The following SEMA4D variants were observed in gnomAD, a reference collection of about 807,000 sequenced individuals.
SEMA4D encodes semaphorin 4D, also known as semaphorin-4D.
In SEMA4D, 22 loss-of-function variants were observed where a neutral mutation model predicts 74.8. The observed-to-expected ratio is 0.29, with a 90% CI of 0.21 to 0.42. SEMA4D has a LOEUF of 0.42. Ranked by LOEUF, SEMA4D falls within the 10% of genes least tolerant of loss-of-function variation. SEMA4D has a pLI of 1.00. For missense variants in SEMA4D, 937 were observed against 1,118.4 expected (o/e 0.84, Z 2.31); for synonymous variants, 445 against 463.7 (o/e 0.96, Z 0.52).
chr9:89,435,861 C>T (rs776007552), intron 2 of SEMA4D, among the ~76,000 whole-genome samples: 2 of 152,300 alleles, frequency 1.3e-5, no homozygotes, highest in East Asian at 3.9e-4. Context: ...ATAAATGAAA[C>T]TTAAATAAAG....
chr9:89,373,239 T>C (rs935312714), downstream of SEMA4D, among the ~76,000 whole-genome samples: 1 of 152,186 alleles, frequency 6.6e-6, no homozygotes, highest in Non-Finnish European at 1.5e-5. Context: ...TGGCAGCCTC[T>C]GCACACACCA....
chr9:89,401,570 C>T (rs968380610), intron 4 of SEMA4D, among the ~76,000 whole-genome samples: 14 of 152,116 alleles, frequency 9.2e-5, no homozygotes, highest in African/African-American at 4.8e-5. Flanking sequence ...ACCATGGATG[C>T]GACGATTTGA....
chr9:89,376,623 A>T, downstream of SEMA4D: 1 of 660,242 alleles, frequency 1.5e-6, no homozygotes, highest in Non-Finnish European at 2.5e-6. Flanking sequence ...TGACCCCTGT[A>T]CACTAGAAGT....
chr9:89,451,163 T>TC (rs1854406308), intron 2 of SEMA4D, among the ~76,000 whole-genome samples: 1 of 152,188 alleles, frequency 6.6e-6, no homozygotes, highest in Non-Finnish European at 1.5e-5. Flanking sequence ...TTAGCATTTT[T>TC]CCATCTATTT....
rs372308388 is a variant in SEMA4D at position 89,427,385 on chromosome 9, G to C, written c.-243-21686C>G. Among the ~76,000 whole-genome samples the C allele has an allele frequency of 5.3e-5, 8 of 152,174 alleles. No individual in the cohort carries two copies. In the East Asian group the frequency reaches 1.3e-3, roughly 26 times the overall value. On this transcript the variant is annotated intron_variant, in intron 2 of 15. Transcript: ENST00000422704. The stretch of plus-strand genomic sequence containing the variant: ...TAAGGAGGCGGTGTGACCCTGGTGA[G>C]ATGCCTGTATCAGAAAACCACAGCC...
intron 2 of SEMA4D, among the ~76,000 whole-genome samples, chr9:89,442,651 A>G (rs1055422295): frequency 2.6e-5 from 4 of 152,174 alleles, no homozygotes; most frequent in Admixed American, 2.6e-4. Flanking sequence ...ACAGGCCCCA[A>G]CAGCTAGCAA....
intron 1 of SEMA4D, among the ~76,000 whole-genome samples, chr9:89,458,420 C>A (rs999233700): frequency 6.6e-6 from 1 of 152,114 alleles, no homozygotes; most frequent in Non-Finnish European, 1.5e-5. Flanking sequence ...ATACATCCTA[C>A]GGAAGGCCAA....
At chr9:89,450,660 G>GGGAAAAAAAAA (rs1491451024) in intron 2 of SEMA4D, 3 of 430,444 alleles carry the variant, frequency 7.0e-6, no homozygotes, top group South Asian at 2.4e-5. Flanking sequence ...AAAAACCCAG[G>GGGAAAAAAAAA]AAAAAAAAAA....
intron 4 of SEMA4D, among the ~76,000 whole-genome samples, chr9:89,400,377 A>G (rs1050498569): frequency 4.6e-5 from 7 of 152,250 alleles, no homozygotes; most frequent in African/African-American, 1.7e-4. Context: ...GTGATGTTCC[A>G]TAACTGATGC....
At chr9:89,406,418 G>A (rs537563633) in intron 2 of SEMA4D, among the ~76,000 whole-genome samples, 3 of 152,356 alleles carry the variant, frequency 2.0e-5, no homozygotes, top group Non-Finnish European at 4.4e-5. Context: ...CAGGCTTAAT[G>A]CTGCTTAGTG....
At position 89,379,061 on chromosome 9, in the gene SEMA4D, A is replaced by AAAGAAG; in HGVS notation, c.2226_2231dup (p.Phe743_Phe744dup). ...AGAAAAAGAGGCAGAGGAAGAGAAC[A>AAAGAAG]AAGAAGAAGAGGAAGAGGGACATGA... On this transcript the variant is annotated inframe_insertion, in exon 16 of 16. Transcript: ENST00000422704. 2 of 1,613,444 alleles carry AAAGAAG rather than the reference A, an allele frequency of 1.2e-6. No individual in the cohort carries two copies. Among genetic ancestry groups the AAAGAAG allele is most frequent in the Non-Finnish European group, 8.5e-7 (1 of 1,179,614 alleles).
intron 1 of SEMA4D, among the ~76,000 whole-genome samples, 157 bp from the exon 2 acceptor site, chr9:89,456,110 C>T (rs1855867915): frequency 6.6e-6 from 1 of 152,252 alleles, no homozygotes; most frequent in Admixed American, 6.5e-5. Context: ...TTACAGGATA[C>T]AGCTTACCTG....
At chr9:89,437,969 C>T (rs555438334) in intron 2 of SEMA4D, among the ~76,000 whole-genome samples, 15 of 152,364 alleles carry the variant, frequency 9.8e-5, no homozygotes, top group Admixed American at 1.3e-4. Flanking sequence ...CCAGGCTCTG[C>T]GCCCTTCTCG....
At chr9:89,456,525 G>A (rs1323969406) in intron 1 of SEMA4D, among the ~76,000 whole-genome samples, 5 of 152,072 alleles carry the variant, frequency 3.3e-5, no homozygotes, top group Admixed American at 3.3e-4. Flanking sequence ...GAGAAGAAGG[G>A]GAGGAGAAGG....
intron 13 of SEMA4D, among the ~76,000 whole-genome samples, chr9:89,382,582 C>T (rs1332383316): frequency 6.6e-6 from 1 of 151,598 alleles, no homozygotes; most frequent in Non-Finnish European, 1.5e-5. Flanking sequence ...GCTGGCCTCA[C>T]AGCAGCAGCA....
Position 89,391,423 on chromosome 9 carries a change from G to A in SEMA4D, c.623-8C>T, listed in dbSNP as rs763053394. 6.2e-7 allele frequency: 1 copy of A among 1,614,036 alleles called. No homozygotes were observed. The highest frequency in any genetic ancestry group is 1.3e-5 in the African/African-American group (1 of 74,944). ...CAAACACGAAACTAGGCTCTGCAGA[G>A]AGAGGACAGTGATTATCCCAGAACA... On this transcript the variant is annotated splice_polypyrimidine_tract_variant and splice_region_variant and intron_variant, in intron 8 of 15. Coordinates refer to ENST00000422704, the MANE Select transcript of SEMA4D (RefSeq NM_001371194.2).
intron 1 of SEMA4D, among the ~76,000 whole-genome samples, chr9:89,464,829 G>T (rs926908204): frequency 2.0e-5 from 3 of 151,934 alleles, no homozygotes; most frequent in Admixed American, 6.6e-5. Flanking sequence ...CACGGGGTGT[G>T]GGGGGAGGGT....
At chr9:89,370,268 TGTG>T (rs778566016) in intron 16 of SEMA4D, among the ~76,000 whole-genome samples, 148 of 151,598 alleles carry the variant, frequency 9.8e-4, no homozygotes, top group South Asian at 1.0e-3. Context: ...GTGTGTGTTG[TGTG>T]GTGGACATGA....
intron 1 of SEMA4D, among the ~76,000 whole-genome samples, chr9:89,462,244 T>C (rs1198627698): frequency 2.0e-5 from 3 of 152,194 alleles, no homozygotes; most frequent in Non-Finnish European, 2.9e-5. Context: ...TTCTTGAAAC[T>C]TGATTTCTCA....
Sources: gnomAD v4.1 joint callset for allele counts (sites outside exome capture counted in the v4.1 genomes callset) on GRCh38, gnomAD v4.1.1 for gene constraint, MANE v1.5 for transcripts, NCBI Gene and HGNC (gene_info 2026-07-23, HGNC 2026-07-21) for gene names.